XRCC6: variants seen among roughly 807,000 people sequenced by gnomAD.
XRCC6 encodes the protein DNA repair protein Ku70.
Under a neutral mutation model 65.7 loss-of-function variants are expected in XRCC6, and 5 were observed. The ratio of observed to expected loss-of-function variants is 0.08; its 90% CI spans 0.04 to 0.16. The LOEUF (loss-of-function observed/expected upper bound fraction) is 0.16. Among genes scored for constraint, XRCC6 ranks in the 10% least tolerant of loss-of-function variants. The pLI, the probability that XRCC6 is intolerant of heterozygous loss-of-function variation, is 1.00. For synonymous variants in XRCC6, 270 were observed against 270.6 expected, an observed-to-expected ratio of 1.00 and a Z score of 0.02; for missense variants, 447 against 738.1, an observed-to-expected ratio of 0.61 and a Z score of 4.57.
intron 9 of XRCC6, among the ~76,000 whole-genome samples, chr22:41,654,118 G>C (rs991124210): frequency 1.3e-5 from 2 of 152,152 alleles, no homozygotes; most frequent in Non-Finnish European, 2.9e-5. Context: ...TTTAAAGTCA[G>C]ATTTGACTTT....
intron 2 of XRCC6, among the ~76,000 whole-genome samples, chr22:41,627,465 G>A (rs2067690665): frequency 6.6e-6 from 1 of 152,034 alleles, no homozygotes; most frequent in Non-Finnish European, 1.5e-5. Context: ...TACAAAATTA[G>A]CTGGGAGTGG....
chr22:41,643,685 G>A (rs978514868), intron 6 of XRCC6, among the ~76,000 whole-genome samples: 9 of 152,004 alleles, frequency 5.9e-5, no homozygotes, highest in African/African-American at 2.2e-4. Flanking sequence ...GCTGGGCGTG[G>A]TGGTGGGCAC....
At chr22:41,636,371 A>G in intron 4 of XRCC6, 120 bp downstream of exon 4, 1 of 1,486,564 alleles carries the variant, frequency 6.7e-7, no homozygotes, top group Non-Finnish European at 9.0e-7. Context: ...TTTCCTCCAT[A>G]AGGGGACCTT....
At chr22:41,644,446 C>T (rs905709371) in intron 6 of XRCC6, among the ~76,000 whole-genome samples, 26 of 152,082 alleles carry the variant, frequency 1.7e-4, no homozygotes, top group Non-Finnish European at 2.8e-4. Context: ...GAATTTTTTG[C>T]ATATTGTAAA....
At chr22:41,638,039 G>C (rs2067828520) in intron 6 of XRCC6, among the ~76,000 whole-genome samples, 1 of 151,206 alleles carries the variant, frequency 6.6e-6, no homozygotes, top group Non-Finnish European at 1.5e-5. Flanking sequence ...ACATTGCTCT[G>C]ACCTGACTGG....
intron 12 of XRCC6, among the ~76,000 whole-genome samples, chr22:41,663,328 TA>T (rs1266490131): frequency 6.6e-6 from 1 of 152,084 alleles, no homozygotes; most frequent in African/African-American, 2.4e-5. Context: ...CATGAACCTG[TA>T]AAAGATTTTC....
At chr22:41,658,845 C>G (rs548300238) in intron 11 of XRCC6, among the ~76,000 whole-genome samples, 1 of 152,114 alleles carries the variant, frequency 6.6e-6, no homozygotes, top group East Asian at 1.9e-4. Context: ...GCAGGAAGAT[C>G]GGTTGAACTC....
At chr22:41,634,548 T>C (rs957688701) in intron 3 of XRCC6, among the ~76,000 whole-genome samples, 16 of 111,728 alleles carry the variant, frequency 1.4e-4, no homozygotes, top group African/African-American at 3.2e-4. Context: ...TGAACTCTCT[T>C]TTTTTTTTTT....
chr22:41,634,010 A>C (rs1439080478), intron 3 of XRCC6, among the ~76,000 whole-genome samples: 1 of 152,170 alleles, frequency 6.6e-6, no homozygotes, highest in Admixed American at 6.5e-5. Context: ...AGTAGATTAA[A>C]ATATTTATGG....
chr22:41,622,661 C>T (rs2067622242), intron 2 of XRCC6, among the ~76,000 whole-genome samples: 1 of 152,064 alleles, frequency 6.6e-6, no homozygotes, highest in Non-Finnish European at 1.5e-5. Flanking sequence ...TGAGAAACGG[C>T]CAGGCGCGGT....
At chr22:41,626,655 T>G (rs1454165856) in intron 2 of XRCC6, among the ~76,000 whole-genome samples, 1 of 149,748 alleles carries the variant, frequency 6.7e-6, no homozygotes, top group African/African-American at 2.4e-5. Flanking sequence ...TTTTTTTTTT[T>G]GAGACCGAGT....
chr22:41,632,360 C>G (rs904598151), intron 3 of XRCC6, among the ~76,000 whole-genome samples: 2 of 152,022 alleles, frequency 1.3e-5, no homozygotes, highest in South Asian at 2.1e-4. Context: ...CCTGTAATCC[C>G]AGCACTTTGG....
chr22:41,627,205 T>G (rs1165409093), intron 2 of XRCC6, among the ~76,000 whole-genome samples: 1 of 152,190 alleles, frequency 6.6e-6, no homozygotes, highest in Non-Finnish European at 1.5e-5. Flanking sequence ...ATGAAGAGGC[T>G]TTAGAAAATT....
At chr22:41,638,705 G>T (rs895538598) in intron 6 of XRCC6, among the ~76,000 whole-genome samples, 37 of 145,280 alleles carry the variant, frequency 2.5e-4, no homozygotes, top group African/African-American at 9.7e-4. Context: ...TTGAACCCAG[G>T]AGTCAGAGGT....
At position 41,646,969 on chromosome 22, in the gene XRCC6, C is replaced by T. The variant is rs746801065; in HGVS notation, c.847C>T (p.Pro283Ser). 3.1e-6 allele frequency: 5 copies of T among 1,614,140 alleles called. No homozygotes were observed. The South Asian group carries it at 5.5e-5, about 18-fold the overall frequency. Reference protein sequence around the residue: ...IYNLVQKALKPPPIKLYRETN... With the variant: ...IYNLVQKALKSPPIKLYRETN... ...TAATCTGGTCCAGAAGGCTCTCAAG[C>T]CTCCTCCAATAAAGCTCTATCGGGA... is the stretch of plus-strand genomic sequence containing the variant. Residue 283 changes from proline to serine, a missense_variant, in exon 7 of 13, where the codon CCT becomes TCT. Physicochemically the swap from Pro to Ser is moderately conservative, Grantham distance 74 (BLOSUM62 -1). Coordinates refer to ENST00000360079, the MANE Select transcript of XRCC6 (RefSeq NM_001469.5).
chr22:41,658,108 G>T, intron 10 of XRCC6, 144 bp from the exon 11 acceptor site: 1 of 711,130 alleles, frequency 1.4e-6, no homozygotes, highest in South Asian at 1.8e-5. Context: ...ACAGGCATGG[G>T]CTACTGCACC....
intron 6 of XRCC6, among the ~76,000 whole-genome samples, chr22:41,639,201 G>A (rs1175118859): frequency 6.6e-6 from 1 of 152,046 alleles, no homozygotes; most frequent in Non-Finnish European, 1.5e-5. Flanking sequence ...AGTTAGTGAA[G>A]AGCACAAAAC....
intron 6 of XRCC6, among the ~76,000 whole-genome samples, chr22:41,638,776 C>CAAAAAAAA (rs56677816): frequency 3.0e-4 from 20 of 65,592 alleles, no homozygotes; most frequent in Non-Finnish European, 4.1e-4. Context: ...GACTCCGCCT[C>CAAAAAAAA]AAAAAAAAAA....
At chr22:41,652,786 G>C (rs993284958) in intron 8 of XRCC6, among the ~76,000 whole-genome samples, 3 of 152,094 alleles carry the variant, frequency 2.0e-5, no homozygotes, top group African/African-American at 7.2e-5. Flanking sequence ...CGATTCTTCT[G>C]CCTCAGCCTC....
Sources: gnomAD v4.1 joint callset for allele counts (sites outside exome capture counted in the v4.1 genomes callset) on GRCh38, gnomAD v4.1.1 for gene constraint, MANE v1.5 for transcripts, NCBI Gene and HGNC (gene_info 2026-07-23, HGNC 2026-07-21) for gene names.